The following OC90 variants were observed in gnomAD, a reference collection of about 807,000 sequenced individuals.
The protein encoded by OC90 is otoconin-90.
OC90 carries 46 observed loss-of-function variants against 47.3 expected under a neutral mutation model. The observed-to-expected ratio is 0.97, with a 90% CI of 0.77 to 1.24. The LOEUF (loss-of-function observed/expected upper bound fraction) is 1.24. Ranked by LOEUF, OC90 falls within the 50% of genes most tolerant of loss-of-function variation. The probability of loss-of-function intolerance (pLI) is 0.00; values close to 1 mark genes in which losing one functional copy is unlikely to be tolerated. For missense variants in OC90, 688 were observed against 583.9 expected (o/e 1.18, Z -1.84); for synonymous variants, 271 against 219.5 (o/e 1.23, Z -2.07).
chr8:132,029,329 C>A, intron 12 of OC90, 150 bp from the exon 13 acceptor site: 1 of 636,562 alleles, frequency 1.6e-6, no homozygotes, highest in Non-Finnish European at 2.8e-6. Flanking sequence ...CATATACACA[C>A]CAAGGGCCGT....
chr8:132,031,838 T>G, intron 12 of OC90, 43 bp downstream of exon 12: 1 of 1,568,026 alleles, frequency 6.4e-7, no homozygotes, highest in Non-Finnish European at 8.7e-7. Context: ...GCAGACAGCA[T>G]CAGCACTACT....
chr8:132,049,127 T>C (rs1823178275), intron 2 of OC90, among the ~76,000 whole-genome samples: 1 of 151,716 alleles, frequency 6.6e-6, no homozygotes, highest in African/African-American at 2.4e-5. Flanking sequence ...TAAGAAGCTG[T>C]TAATGATAAT....
Position 132,038,804 on chromosome 8 carries a change from G to A in OC90, c.614C>T (p.Thr205Ile). The A allele has an allele frequency of 6.2e-7, 1 of 1,613,862 alleles. No individual in the cohort carries two copies. Among genetic ancestry groups the A allele is most frequent in the Non-Finnish European group, 8.5e-7 (1 of 1,179,788 alleles). Residue 205 changes from threonine (T) to isoleucine (I), a missense_variant, in exon 8 of 14, where the codon ACA (threonine) becomes ATA (isoleucine). By Grantham distance (89) the Thr-to-Ile change is moderately conservative. Coordinates refer to ENST00000254627, the MANE Select transcript of OC90 (RefSeq NM_001080399.3). The part of the protein sequence containing the change: ...PETTIKEDLT[T>I]LLPRVVPVEP... ...GGAGGCCTTACCTCTGGGCAGAAGT[G>A]TTGTCAAGTCTTCCTTGATGGTTGT...
At chr8:132,054,495 C>T (rs1051886327) in intron 2 of OC90, among the ~76,000 whole-genome samples, 4 of 152,148 alleles carry the variant, frequency 2.6e-5, no homozygotes, top group African/African-American at 9.7e-5. Flanking sequence ...TCAATAACAC[C>T]TTCCCTGCTA....
rs1823104922 is a variant in OC90 at position 132,044,579 on chromosome 8, C to A, written c.113-90G>T. On this transcript the variant is annotated intron_variant, in intron 3 of 13. Coordinates refer to ENST00000254627, the MANE Select transcript of OC90 (RefSeq NM_001080399.3). ...CCTCTAGGTAAAGTGTACATAAAAC[C>A]TTTCTTCATTCTCCAAAGAAAAAAT... 4 of 736,358 alleles carry A rather than the reference C, an allele frequency of 5.4e-6. No individual in the cohort carries two copies. In the East Asian group the frequency reaches 8.1e-5, roughly 15 times the overall value. The allele number at this position is 736,358 out of a possible 1,614,324, so 45.6% of individuals were successfully genotyped here.
At chr8:132,038,970 G>A (rs755139323) in intron 7 of OC90, 25 bp downstream of exon 7, 6 of 1,613,826 alleles carry the variant, frequency 3.7e-6, no homozygotes, top group Non-Finnish European at 8.5e-7. Flanking sequence ...CAGCCCCACG[G>A]CTGATGCAGC....
At position 132,033,144 on chromosome 8, in the gene OC90, T is replaced by C. The variant is rs1290723744; in HGVS notation, c.754A>G (p.Thr252Ala). 9.3e-6 allele frequency: 15 copies of C among 1,606,746 alleles called. No individual in the cohort carries two copies. Among genetic ancestry groups the C allele is most frequent in the Non-Finnish European group, 1.2e-5 (14 of 1,176,564 alleles). Reference protein sequence around the residue: ...SPPGSAEIVATRVTAKIVTLV... With the variant: ...SPPGSAEIVAARVTAKIVTLV... ...GTTACAATTTTAGCTGTAACCCTTG[T>C]TGCAACTATCTCTGCAGATCCTGAA... Residue 252 changes from threonine to alanine, a missense_variant, in exon 11 of 14, where the codon ACA becomes GCA. Transcript: ENST00000254627.
At chr8:132,032,929 A>G (rs1995315) in intron 11 of OC90, 110 bp downstream of exon 11, 915,323 of 1,263,062 alleles carry the variant, frequency 0.72, 332,231 homozygotes, top group Admixed American at 0.76. Context: ...ATGTCTTCTC[A>G]TCACACCCCC....
At position 132,045,997 on chromosome 8, in the gene OC90, T is replaced by C. The variant is rs989066122; in HGVS notation, c.47-114A>G. ...ACAATGGGAATTCACATAAATTCAA[T>C]TCCATGCATATTTCCTAGAGCCTGC... On this transcript the variant is annotated intron_variant, in intron 2 of 13. Transcript: ENST00000254627. 4.5e-6 allele frequency: 3 copies of C among 672,768 alleles called. No individual in the cohort carries two copies. In the African/African-American group the frequency reaches 5.4e-5, roughly 12 times the overall value. The allele number at this position is 672,768 out of a possible 1,614,324, so 41.7% of individuals were successfully genotyped here.
intron 10 of OC90, among the ~76,000 whole-genome samples, 198 bp downstream of exon 10, chr8:132,034,583 G>A (rs950514569): frequency 6.6e-6 from 1 of 152,150 alleles, no homozygotes; most frequent in Non-Finnish European, 1.5e-5. Context: ...TTAGATCAGG[G>A]TGTTTGGTGT....
At chr8:132,030,455 C>T (rs2130851808) in intron 12 of OC90, among the ~76,000 whole-genome samples, 1 of 152,282 alleles carries the variant, frequency 6.6e-6, no homozygotes, top group Non-Finnish European at 1.5e-5. Context: ...GAAATATGGT[C>T]AGTTATCAGG....
intron 8 of OC90, among the ~76,000 whole-genome samples, 195 bp downstream of exon 8, chr8:132,038,595 C>T (rs2130856838): frequency 6.6e-6 from 1 of 152,314 alleles, no homozygotes; most frequent in Middle Eastern, 3.4e-3. Flanking sequence ...TGCACTGGGG[C>T]CATTTGATGT....
intron 2 of OC90, among the ~76,000 whole-genome samples, chr8:132,051,887 T>C (rs1156588920): frequency 2.0e-5 from 3 of 152,250 alleles, no homozygotes; most frequent in Admixed American, 6.5e-5. Flanking sequence ...TCACCATTTT[T>C]ATTTTTCAAA....
At chr8:132,059,000 TCTC>T (rs1823312207) in intron 1 of OC90, among the ~76,000 whole-genome samples, 1 of 152,020 alleles carries the variant, frequency 6.6e-6, no homozygotes. Context: ...CATTCATTTA[TCTC>T]CTCATTTCCC....
intron 3 of OC90, among the ~76,000 whole-genome samples, chr8:132,045,386 C>A (rs1373550856): frequency 6.6e-6 from 1 of 152,144 alleles, no homozygotes; most frequent in African/African-American, 2.4e-5. Context: ...TATAAACTAT[C>A]GCTGAGAAAA....
At chr8:132,031,639 A>C (rs1316108858) in intron 12 of OC90, among the ~76,000 whole-genome samples, 1 of 152,192 alleles carries the variant, frequency 6.6e-6, no homozygotes, top group Non-Finnish European at 1.5e-5. Flanking sequence ...AAAGATGTGG[A>C]TCTTTCTGGC....
Position 132,059,343 on chromosome 8 carries a change from T to C in OC90, c.-50A>G, listed in dbSNP as rs1688499306. 1 of 147,172 alleles carries C rather than the reference T, an allele frequency of 6.8e-6. No individual in the cohort carries two copies. The highest frequency in any genetic ancestry group is 1.5e-5 in the Non-Finnish European group (1 of 66,572). 9.1% of individuals were successfully genotyped at this position (147,172 alleles called of 1,614,324 possible). A position where few individuals can be genotyped will look rare whatever the true frequency, so the allele number is the denominator to read the frequency against. ...CATCAGGAATAACAGATGCCTACCGTGAAGGCTCCACTGGAGTGCAGCTGG... is the reference window on the plus strand; with the variant it reads ...CATCAGGAATAACAGATGCCTACCGCGAAGGCTCCACTGGAGTGCAGCTGG... On this transcript the variant is annotated splice_region_variant and 5_prime_UTR_variant, in exon 1 of 14. Coordinates refer to ENST00000254627, the MANE Select transcript of OC90 (RefSeq NM_001080399.3).
intron 3 of OC90, 85 bp downstream of exon 3, chr8:132,045,733 G>A: frequency 3.9e-6 from 3 of 762,864 alleles, no homozygotes; most frequent in Non-Finnish European, 2.3e-6. Context: ...TGGCTCTAGG[G>A]TGTATTCAGA....
intron 1 of OC90, among the ~76,000 whole-genome samples, chr8:132,058,451 C>T (rs949862194): frequency 3.9e-5 from 6 of 152,146 alleles, no homozygotes; most frequent in Non-Finnish European, 5.9e-5. Flanking sequence ...TTTGGAGTCC[C>T]GGCTCCCCTA....
Sources: gnomAD v4.1 joint callset for allele counts (sites outside exome capture counted in the v4.1 genomes callset) on GRCh38, gnomAD v4.1.1 for gene constraint, MANE v1.5 for transcripts, NCBI Gene and HGNC (gene_info 2026-07-23, HGNC 2026-07-21) for gene names.